ZDHHC3: variants seen among roughly 807,000 people sequenced by gnomAD.
The protein encoded by ZDHHC3 is zDHHC palmitoyltransferase 3, also known as palmitoyltransferase ZDHHC3.
ZDHHC3 carries 9 observed loss-of-function variants against 30.6 expected under a neutral mutation model. The ratio of observed to expected loss-of-function variants is 0.29; its 90% CI spans 0.18 to 0.51. The LOEUF is 0.51. ZDHHC3 is among the 20% of genes least tolerant of loss of function. The probability of loss-of-function intolerance (pLI) is 0.97; values close to 1 mark genes in which losing one functional copy is unlikely to be tolerated. For synonymous variants in ZDHHC3, 136 were observed against 140.2 expected (o/e 0.97, Z 0.21); for missense variants, 246 against 384.2 (o/e 0.64, Z 3.01).
rs1222659873 is a variant in ZDHHC3 at position 44,918,178 on chromosome 3, G to A, written c.*8511C>T. On this transcript the variant is annotated 3_prime_UTR_variant, in exon 7 of 7. Transcript: ENST00000424952. The stretch of plus-strand genomic sequence containing the variant: ...GAAGGGGATGAAGAACATCGTCAGC[G>A]TGGTGCTGGGCTGTACAGCTCACAT... The A allele has an allele frequency of 1.7e-5, 22 of 1,292,558 alleles. No homozygotes were observed. Among genetic ancestry groups the A allele is most frequent in the East Asian group, 5.6e-5 (1 of 17,928 alleles). 80.1% of individuals were successfully genotyped at this position (1,292,558 alleles called of 1,614,324 possible).
chr3:44,920,387 C>T lies in ZDHHC3; in HGVS notation c.*6302G>A. 2 of 1,284,174 alleles carry T rather than the reference C, an allele frequency of 1.6e-6. No individual in the cohort carries two copies. The highest frequency in any genetic ancestry group is 2.0e-6 in the Non-Finnish European group (2 of 984,090). 79.5% of individuals were successfully genotyped at this position (1,284,174 alleles called of 1,614,324 possible). A position where few individuals can be genotyped will look rare whatever the true frequency, so the allele number is the denominator to read the frequency against. ...CATAGCACGAGAGCTGGGACATCAC[C>T]ATATGGCAGACCCGGCTACAGAGGA... On this transcript the variant is annotated 3_prime_UTR_variant, in exon 7 of 7. Transcript: ENST00000424952.
At position 44,924,751 on chromosome 3, in the gene ZDHHC3, C is replaced by T. The variant is rs1700849886; in HGVS notation, c.*1938G>A. 1 of 985,330 alleles carries T rather than the reference C, an allele frequency of 1.0e-6. No individual in the cohort carries two copies. Among genetic ancestry groups the T allele is most frequent in the African/African-American group, 1.7e-5 (1 of 57,242 alleles). The allele number at this position is 985,330 out of a possible 1,614,324, so 61.0% of individuals were successfully genotyped here. On this transcript the variant is annotated 3_prime_UTR_variant, in exon 7 of 7. Coordinates refer to ENST00000424952, the MANE Select transcript of ZDHHC3 (RefSeq NM_001135179.2). ...TTAATACAATAACACTTCTTTCATA[C>T]ACCTAACTGAGCTGTATGTTATGAA...
At chr3:44,933,580 C>T (rs769488199) in intron 4 of ZDHHC3, 196 of 536,670 alleles carry the variant, frequency 3.7e-4, no homozygotes, top group Non-Finnish European at 5.4e-4. Context: ...CACCTACCTG[C>T]ACCTCAGGAT....
At chr3:44,974,094 C>A (rs1318233073) in intron 1 of ZDHHC3, among the ~76,000 whole-genome samples, 1 of 152,084 alleles carries the variant, frequency 6.6e-6, no homozygotes, top group Non-Finnish European at 1.5e-5. Flanking sequence ...GCATTTAAGC[C>A]GAATGATTAG....
At position 44,919,444 on chromosome 3, in the gene ZDHHC3, A is replaced by G. The variant is rs1700443456; in HGVS notation, c.*7245T>C. On this transcript the variant is annotated 3_prime_UTR_variant, in exon 7 of 7. Transcript: ENST00000424952. ...AGATTGATGAAAAGATTTTGGAACC[A>G]GACAGACCTGGTGGTTACAAAACAT... is the stretch of plus-strand genomic sequence containing the variant. 6.6e-6 allele frequency: 1 copy of G among 152,412 alleles called. No homozygotes were observed. The highest frequency in any genetic ancestry group is 2.4e-5 in the African/African-American group (1 of 41,482). 9.4% of individuals were successfully genotyped at this position (152,412 alleles called of 1,614,324 possible).
At chr3:44,956,110 G>A (rs1001286220) in intron 2 of ZDHHC3, among the ~76,000 whole-genome samples, 1 of 152,230 alleles carries the variant, frequency 6.6e-6, no homozygotes, top group Non-Finnish European at 1.5e-5. Flanking sequence ...AGCTGGCCAA[G>A]GTCCCTGGAG....
rs111361708 is a variant in ZDHHC3 at position 44,926,393 on chromosome 3, C to G, written c.*296G>C. ...AATGGGCACAGCGCGAGACAGCGCC[C>G]TCTACATTAGTCATGCCAGACAGAC... On this transcript the variant is annotated 3_prime_UTR_variant, in exon 7 of 7. Coordinates refer to ENST00000424952, the MANE Select transcript of ZDHHC3 (RefSeq NM_001135179.2). 1.8e-6 allele frequency: 2 copies of G among 1,122,700 alleles called. No individual in the cohort carries two copies. Among genetic ancestry groups the G allele is most frequent in the African/African-American group, 1.6e-5 (1 of 61,834 alleles). 69.5% of individuals were successfully genotyped at this position (1,122,700 alleles called of 1,614,324 possible). A position where few individuals can be genotyped will look rare whatever the true frequency, so the allele number is the denominator to read the frequency against.
At chr3:44,956,588 G>A (rs1051166823) in intron 2 of ZDHHC3, among the ~76,000 whole-genome samples, 1 of 152,168 alleles carries the variant, frequency 6.6e-6, no homozygotes, top group East Asian at 1.9e-4. Flanking sequence ...GTAGTCTCTG[G>A]GGGTGAGGCC....
At chr3:44,962,309 A>C (rs6764811) in intron 1 of ZDHHC3, among the ~76,000 whole-genome samples, 83,676 of 151,914 alleles carry the variant, frequency 0.55, 23,712 homozygotes, top group East Asian at 0.89. Flanking sequence ...ACAATTCCTC[A>C]TTCTTGATTG....
Position 44,921,918 on chromosome 3 carries a change from G to C in ZDHHC3, c.*4771C>G. 2.0e-6 allele frequency: 2 copies of C among 985,400 alleles called. No individual in the cohort carries two copies. The highest frequency in any genetic ancestry group is 1.7e-5 in the African/African-American group (1 of 57,356). 61.0% of individuals were successfully genotyped at this position (985,400 alleles called of 1,614,324 possible). A position where few individuals can be genotyped will look rare whatever the true frequency, so the allele number is the denominator to read the frequency against. On this transcript the variant is annotated 3_prime_UTR_variant, in exon 7 of 7. Transcript: ENST00000424952. ...ATGTGCGGCCCCTAGAAGGCTTTTA[G>C]CGAACGTCCCTCTGCAGCGCTTGTC...
chr3:44,937,549 GTTTTTTTTTTTTTTT>G (rs58591881), intron 3 of ZDHHC3: 1 of 103,624 alleles, frequency 9.7e-6, no homozygotes, highest in African/African-American at 3.8e-5. Context: ...CTAAAAATAA[GTTTTTTTTTTTTTTT>G]TTTTTTTTTA....
chr3:44,974,809 C>T (rs904423720), intron 1 of ZDHHC3, among the ~76,000 whole-genome samples: 1 of 152,156 alleles, frequency 6.6e-6, no homozygotes, highest in Non-Finnish European at 1.5e-5. Flanking sequence ...TGAGCAAGCA[C>T]TTCCTCTCTA....
Position 44,923,056 on chromosome 3 carries a change from C to A in ZDHHC3, c.*3633G>T. The A allele has an allele frequency of 4.1e-6, 4 of 983,720 alleles. No individual in the cohort carries two copies. Among genetic ancestry groups the A allele is most frequent in the Non-Finnish European group, 4.8e-6 (4 of 829,682 alleles). 60.9% of individuals were successfully genotyped at this position (983,720 alleles called of 1,614,324 possible). On this transcript the variant is annotated 3_prime_UTR_variant, in exon 7 of 7. Transcript: ENST00000424952. ...GAGAGGAGTTTCTGTGTAATGCCAA[C>A]CTCACATACATGTTTAAAATGTTTG...
chr3:44,923,600 G>A lies in ZDHHC3; in HGVS notation c.*3089C>T, dbSNP rs1217173928. On this transcript the variant is annotated 3_prime_UTR_variant, in exon 7 of 7. Transcript: ENST00000424952. ...GAAAATTGCTGGAGGCCGGGCATTT[G>A]AGACTAGCTAGGGCAACACAGTGAG... 1 of 952,642 alleles carries A rather than the reference G, an allele frequency of 1.0e-6. No individual in the cohort carries two copies. Among genetic ancestry groups the A allele is most frequent in the Non-Finnish European group, 1.2e-6 (1 of 800,384 alleles). 59.0% of individuals were successfully genotyped at this position (952,642 alleles called of 1,614,324 possible). A position where few individuals can be genotyped will look rare whatever the true frequency, so the allele number is the denominator to read the frequency against.
chr3:44,915,473 A>G lies in ZDHHC3; in HGVS notation c.*11216T>C, dbSNP rs1199473416. 4.6e-5 allele frequency: 7 copies of G among 152,230 alleles called. No homozygotes were observed. The highest frequency in any genetic ancestry group is 1.4e-4 in the African/African-American group (6 of 41,400). The allele number at this position is 152,230 out of a possible 1,614,324, so 9.4% of individuals were successfully genotyped here. A position where few individuals can be genotyped will look rare whatever the true frequency, so the allele number is the denominator to read the frequency against. ...AGGGTTGGACAGGTTAATTACCTAC[A>G]TAACCCTGGCTGTGGCCCAGCCCAG... is the stretch of plus-strand genomic sequence containing the variant. On this transcript the variant is annotated 3_prime_UTR_variant, in exon 7 of 7. Transcript: ENST00000424952.
Position 44,923,912 on chromosome 3 carries a change from G to A in ZDHHC3, c.*2777C>T, listed in dbSNP as rs992682035. On this transcript the variant is annotated 3_prime_UTR_variant, in exon 7 of 7. Coordinates refer to ENST00000424952, the MANE Select transcript of ZDHHC3 (RefSeq NM_001135179.2). Reference sequence around the variant, plus strand: ...TGTTTTGTGTACATGATATTACCAAGCCCATGCAAATATGCATAGATTATA... The same window carrying A: ...TGTTTTGTGTACATGATATTACCAAACCCATGCAAATATGCATAGATTATA... 3 of 985,318 alleles carry A rather than the reference G, an allele frequency of 3.0e-6. No individual in the cohort carries two copies. Among genetic ancestry groups the A allele is most frequent in the South Asian group, 4.7e-5 (1 of 21,288 alleles). 61.0% of individuals were successfully genotyped at this position (985,318 alleles called of 1,614,324 possible). A position where few individuals can be genotyped will look rare whatever the true frequency, so the allele number is the denominator to read the frequency against.
rs1700764247 is a variant in ZDHHC3, at chr3:44,923,574, G to A, written c.*3115C>T. ...CCCAGGACTTTGGGAGGCTAAGGCA[G>A]GAAAATTGCTGGAGGCCGGGCATTT... On this transcript the variant is annotated 3_prime_UTR_variant, in exon 7 of 7. Coordinates refer to ENST00000424952, the MANE Select transcript of ZDHHC3 (RefSeq NM_001135179.2). 1 of 982,434 alleles carries A rather than the reference G, an allele frequency of 1.0e-6. No individual in the cohort carries two copies. The allele number at this position is 982,434 out of a possible 1,614,324, so 60.9% of individuals were successfully genotyped here.
intron 3 of ZDHHC3, among the ~76,000 whole-genome samples, chr3:44,937,202 T>C (rs908217379): frequency 3.9e-5 from 6 of 152,086 alleles, no homozygotes; most frequent in African/African-American, 1.4e-4. Flanking sequence ...CCCAGCACTC[T>C]GGGAGGCCGA....
At position 44,918,318 on chromosome 3, in the gene ZDHHC3, T is replaced by A. The variant is rs1700347790; in HGVS notation, c.*8371A>T. ...TGTGGCCCAGGTCACCCCCGGGAGG[T>A]CCCTCAGAGGACTGCTGGGGTGTGG... is the stretch of plus-strand genomic sequence containing the variant. On this transcript the variant is annotated 3_prime_UTR_variant, in exon 7 of 7. Coordinates refer to ENST00000424952, the MANE Select transcript of ZDHHC3 (RefSeq NM_001135179.2). 1.0e-6 allele frequency: 1 copy of A among 982,778 alleles called. No homozygotes were observed. Among genetic ancestry groups the A allele is most frequent in the Non-Finnish European group, 1.2e-6 (1 of 829,314 alleles). The allele number at this position is 982,778 out of a possible 1,614,324, so 60.9% of individuals were successfully genotyped here.
Sources: allele counts gnomAD v4.1 joint callset (sites outside exome capture counted in the v4.1 genomes callset), GRCh38; gene constraint gnomAD v4.1.1; transcripts MANE v1.5; gene names NCBI Gene and HGNC (gene_info 2026-07-23, HGNC 2026-07-21).